The following TLL2 variants were observed in gnomAD, a reference collection of about 807,000 sequenced individuals.
TLL2 encodes the protein tolloid like 2.
TLL2 carries 106 observed loss-of-function variants against 123.0 expected under a neutral mutation model. That is an observed-to-expected ratio of 0.86 (90% CI 0.74 to 1.01). The LOEUF (loss-of-function observed/expected upper bound fraction) is 1.01. Ranked by LOEUF, TLL2 falls within the 50% of genes least tolerant of loss-of-function variation. The pLI is 0.00. For missense variants in TLL2, 1,332 were observed against 1,336.7 expected, an observed-to-expected ratio of 1.00 and a Z score of 0.06; for synonymous variants, 494 against 516.8, an observed-to-expected ratio of 0.96 and a Z score of 0.60.
chr10:96,432,199 T>C (rs568749996), intron 4 of TLL2, among the ~76,000 whole-genome samples: 5 of 152,314 alleles, frequency 3.3e-5, no homozygotes, highest in African/African-American at 1.2e-4. Flanking sequence ...CTAAGCGCTT[T>C]ATCTATAGTA....
chr10:96,413,021 T>G (rs1846521611), intron 8 of TLL2, among the ~76,000 whole-genome samples, 171 bp downstream of exon 8: 1 of 152,262 alleles, frequency 6.6e-6, no homozygotes, highest in African/African-American at 2.4e-5. Flanking sequence ...CCTGCCACCA[T>G]GTCACCATTT....
chr10:96,367,872 T>C lies in TLL2; in HGVS notation c.*216A>G, dbSNP rs112566965. ...CTTTAACAGTTCATGAATGATAACA[T>C]TGCAGACAGAAGCAAAAGAACATTT... is the stretch of plus-strand genomic sequence containing the variant. On this transcript the variant is annotated 3_prime_UTR_variant, in exon 21 of 21. Coordinates refer to ENST00000357947, the MANE Select transcript of TLL2 (RefSeq NM_012465.4). 505 of 560,820 alleles carry C rather than the reference T, an allele frequency of 9.0e-4. 5 individuals carry two copies. Among genetic ancestry groups the C allele is most frequent in the African/African-American group, 8.4e-3 (449 of 53,348 alleles). The allele number at this position is 560,820 out of a possible 1,614,324, so 34.7% of individuals were successfully genotyped here.
intron 8 of TLL2, among the ~76,000 whole-genome samples, chr10:96,411,257 C>CAAAAAAAAAAAAAAAAAAA (rs56011735): frequency 1.1e-5 from 1 of 95,172 alleles, no homozygotes; most frequent in African/African-American, 4.4e-5. Flanking sequence ...GACTCTGTCT[C>CAAAAAAAAAAAAAAAAAAA]AAAAAAAAAA....
chr10:96,425,512 T>C (rs1375040050), intron 5 of TLL2, among the ~76,000 whole-genome samples: 1 of 152,024 alleles, frequency 6.6e-6, no homozygotes, highest in East Asian at 1.9e-4. Flanking sequence ...TTTTTACTTT[T>C]TTTTTTTAGG....
chr10:96,435,269 G>A (rs1462688862), intron 3 of TLL2, among the ~76,000 whole-genome samples: 2 of 152,022 alleles, frequency 1.3e-5, no homozygotes, highest in Non-Finnish European at 2.9e-5. Context: ...CTGACCTCGT[G>A]ATCTGCCCGC....
chr10:96,469,204 CGA>C (rs1043968827), intron 2 of TLL2, among the ~76,000 whole-genome samples: 2 of 152,230 alleles, frequency 1.3e-5, no homozygotes, highest in Non-Finnish European at 2.9e-5. Flanking sequence ...ACTCAACACA[CGA>C]GAGTCTCAGC....
chr10:96,491,296 C>T (rs1284809807), intron 1 of TLL2, among the ~76,000 whole-genome samples: 3 of 151,064 alleles, frequency 2.0e-5, no homozygotes, highest in East Asian at 1.9e-4. Context: ...GCAGGAAAAT[C>T]GCTTGAATCC....
At chr10:96,432,703 C>G (rs1257914577) in intron 4 of TLL2, 104 bp downstream of exon 4, 3 of 1,459,016 alleles carry the variant, frequency 2.1e-6, no homozygotes, top group Non-Finnish European at 2.8e-6. Flanking sequence ...GCTGTGGTCC[C>G]TAACATCTGC....
intron 3 of TLL2, among the ~76,000 whole-genome samples, chr10:96,439,872 CTA>C (rs1423508176): frequency 6.6e-6 from 1 of 152,168 alleles, no homozygotes. Flanking sequence ...TTGGCCCACA[CTA>C]TGTTTTTTTA....
At chr10:96,440,709 C>G (rs1846843235) in intron 3 of TLL2, among the ~76,000 whole-genome samples, 1 of 152,194 alleles carries the variant, frequency 6.6e-6, no homozygotes, top group Non-Finnish European at 1.5e-5. Context: ...ATGGGAAAAT[C>G]TTAAGTGCAC....
chr10:96,476,240 A>ATATATATATATT, intron 2 of TLL2, among the ~76,000 whole-genome samples: 3 of 20,500 alleles, frequency 1.5e-4, no homozygotes, highest in African/African-American at 3.5e-4. Flanking sequence ...ATATATATAT[A>ATATATATATATT]TTTTATTTTT....
At chr10:96,504,329 G>C (rs1184577789) in intron 1 of TLL2, among the ~76,000 whole-genome samples, 1 of 152,196 alleles carries the variant, frequency 6.6e-6, no homozygotes, top group Non-Finnish European at 1.5e-5. Context: ...TCTGGGTATA[G>C]CTGGGCATGG....
intron 2 of TLL2, among the ~76,000 whole-genome samples, chr10:96,466,181 G>A (rs1847130192): frequency 6.6e-6 from 1 of 152,180 alleles, no homozygotes; most frequent in Admixed American, 6.5e-5. Flanking sequence ...AGTAGTAGCG[G>A]GAGCTAGAGG....
chr10:96,505,630 A>G lies in TLL2; in HGVS notation c.175+7881T>C, dbSNP rs187314328. ...TAGGCAGGTTTGCCTACAGCCGTGG[A>G]GTGGTAGAGCCAGTATTTGAACCCA... On this transcript the variant is annotated intron_variant, in intron 1 of 20. Coordinates refer to ENST00000357947, the MANE Select transcript of TLL2 (RefSeq NM_012465.4). Among the ~76,000 whole-genome samples, 9 of 152,298 alleles carry G rather than the reference A, an allele frequency of 5.9e-5. No homozygotes were observed. In the East Asian group the frequency reaches 1.7e-3, roughly 29 times the overall value.
intron 2 of TLL2, among the ~76,000 whole-genome samples, chr10:96,477,589 T>C (rs949775220): frequency 3.9e-5 from 6 of 152,240 alleles, no homozygotes; most frequent in Non-Finnish European, 8.8e-5. Context: ...AGGAAGCAGA[T>C]GAAATGTATT....
At chr10:96,405,072 T>G (rs557054289) in intron 10 of TLL2, among the ~76,000 whole-genome samples, 160 bp downstream of exon 10, 2 of 152,344 alleles carry the variant, frequency 1.3e-5, no homozygotes, top group South Asian at 4.1e-4. Context: ...TTTTAAAAGC[T>G]TTTAACATGT....
chr10:96,475,878 A>G (rs1055355280), intron 2 of TLL2, among the ~76,000 whole-genome samples: 1 of 152,104 alleles, frequency 6.6e-6, no homozygotes, highest in Admixed American at 6.5e-5. Flanking sequence ...CATGATAGTA[A>G]GTGGGTCTCA....
chr10:96,401,323 G>A (rs1846391567), intron 10 of TLL2, among the ~76,000 whole-genome samples: 1 of 152,156 alleles, frequency 6.6e-6, no homozygotes, highest in African/African-American at 2.4e-5. Context: ...GCATTGACCT[G>A]CCTCCTCCCA....
At chr10:96,440,148 T>G (rs1846837040) in intron 3 of TLL2, among the ~76,000 whole-genome samples, 1 of 152,194 alleles carries the variant, frequency 6.6e-6, no homozygotes, top group Non-Finnish European at 1.5e-5. Context: ...ACGGAAGATA[T>G]TCTAATTTGC....
Sources: gnomAD v4.1 joint callset for allele counts (sites outside exome capture counted in the v4.1 genomes callset) on GRCh38, gnomAD v4.1.1 for gene constraint, MANE v1.5 for transcripts, NCBI Gene and HGNC (gene_info 2026-07-23, HGNC 2026-07-21) for gene names.